FILIP1: variants seen among roughly 807,000 people sequenced by gnomAD.
FILIP1 encodes filamin-A-interacting protein 1.
A neutral mutation model predicts 102.1 loss-of-function variants in FILIP1; 61 were observed. The ratio of observed to expected loss-of-function variants is 0.60; its 90% CI spans 0.49 to 0.74. The LOEUF (loss-of-function observed/expected upper bound fraction) is 0.74, where lower values mean the gene tolerates loss of function less well. FILIP1 is among the 30% of genes least tolerant of loss of function. The probability of loss-of-function intolerance (pLI) is 0.00; values close to 1 mark genes in which losing one functional copy is unlikely to be tolerated. For synonymous variants in FILIP1, 491 were observed against 526.9 expected, an observed-to-expected ratio of 0.93 and a Z score of 0.93; for missense variants, 1,314 against 1,441.2, an observed-to-expected ratio of 0.91 and a Z score of 1.43.
intron 1 of FILIP1, among the ~76,000 whole-genome samples, chr6:75,459,975 T>C (rs1480528163): frequency 6.6e-6 from 1 of 152,212 alleles, no homozygotes; most frequent in African/African-American, 2.4e-5. Flanking sequence ...TAACTCCTGC[T>C]CTAATTTTCA....
chr6:75,447,153 C>A (rs1046840154), intron 1 of FILIP1, among the ~76,000 whole-genome samples: 2 of 151,996 alleles, frequency 1.3e-5, no homozygotes, highest in African/African-American at 4.8e-5. Flanking sequence ...TATTAAAAAC[C>A]TTTATATATT....
intron 4 of FILIP1, among the ~76,000 whole-genome samples, chr6:75,335,574 T>C (rs764371195): frequency 5.3e-5 from 8 of 152,018 alleles, no homozygotes; most frequent in Non-Finnish European, 1.0e-4. Context: ...ATAAATCTAG[T>C]CAAAAAGCCA....
At chr6:75,477,838 G>C (rs533343506) in intron 1 of FILIP1, among the ~76,000 whole-genome samples, 39 of 152,254 alleles carry the variant, frequency 2.6e-4, no homozygotes, top group African/African-American at 9.4e-4. Context: ...AGGAAACAAG[G>C]ATATGAGAAT....
chr6:75,356,127 CA>C (rs1047527022), intron 3 of FILIP1, among the ~76,000 whole-genome samples: 2 of 152,222 alleles, frequency 1.3e-5, no homozygotes, highest in African/African-American at 4.8e-5. Context: ...AATCAGTTCT[CA>C]ATCTCACAAC....
chr6:75,479,679 G>A (rs1026039346), intron 1 of FILIP1, among the ~76,000 whole-genome samples: 2 of 151,664 alleles, frequency 1.3e-5, no homozygotes, highest in African/African-American at 2.4e-5. Context: ...GACCAGTCAG[G>A]TCAACATGGT....
rs927574176 is a variant in FILIP1, at chr6:75,413,523, C to A, written c.276+1174G>T. Among the ~76,000 whole-genome samples the A allele has an allele frequency of 6.6e-5, 10 of 152,040 alleles. No individual in the cohort carries two copies. The South Asian group carries it at 1.9e-3, about 28-fold the overall frequency. ...TTTGTATGTTGTTTGTTTTTCTTTA[C>A]CCCAGGGATTTCCTTATCTGTATGC... On this transcript the variant is annotated intron_variant, in intron 2 of 5. Coordinates refer to ENST00000237172, the MANE Select transcript of FILIP1 (RefSeq NM_015687.5).
At chr6:75,336,246 C>A (rs549424475) in intron 4 of FILIP1, among the ~76,000 whole-genome samples, 2 of 152,210 alleles carry the variant, frequency 1.3e-5, no homozygotes, top group South Asian at 4.1e-4. Flanking sequence ...GGCTTGGCAC[C>A]TACTTGGAAG....
At chr6:75,464,925 G>C (rs1171733438) in intron 1 of FILIP1, among the ~76,000 whole-genome samples, 2 of 152,032 alleles carry the variant, frequency 1.3e-5, no homozygotes, top group Non-Finnish European at 2.9e-5. Context: ...GTTCAACATA[G>C]AAAATATATC....
rs76903687 is a variant in FILIP1 at position 75,396,844 on chromosome 6, A to G, written c.276+17853T>C. ...TCAGGATTTGTAAGATTCTTTTCAA[A>G]GAAGGTCTTTGCTCAGGTATTTTGT... On this transcript the variant is annotated intron_variant, in intron 2 of 5. Transcript: ENST00000237172. Among the ~76,000 whole-genome samples the G allele has an allele frequency of 7.3e-3, 1,113 of 152,182 alleles. 35 individuals are homozygous for G. In the East Asian group the frequency reaches 0.11, roughly 14 times the overall value.
chr6:75,309,701 C>T (rs1403036756), intron 5 of FILIP1, among the ~76,000 whole-genome samples: 1 of 152,184 alleles, frequency 6.6e-6, no homozygotes, highest in South Asian at 2.1e-4. Context: ...TATCCTCTCT[C>T]CTAGACAGCT....
At chr6:75,465,571 TA>T (rs36072505) in intron 1 of FILIP1, 239,156 of 410,644 alleles carry the variant, frequency 0.58, 63,470 homozygotes, top group African/African-American at 0.67. Context: ...TCACAGCAAT[TA>T]AAAAAAAAAA....
downstream of FILIP1, among the ~76,000 whole-genome samples, chr6:75,304,157 G>A (rs1382926617): frequency 6.6e-6 from 1 of 152,108 alleles, no homozygotes; most frequent in African/African-American, 2.4e-5. Context: ...AAGAGGAAGA[G>A]AGCATAATCA....
intron 1 of FILIP1, among the ~76,000 whole-genome samples, chr6:75,469,879 C>T (rs2703662): frequency 0.69 from 105,342 of 151,940 alleles, 37,322 homozygotes; most frequent in African/African-American, 0.84. Context: ...GTGATACACT[C>T]GTGTGTGCAT....
intron 3 of FILIP1, among the ~76,000 whole-genome samples, chr6:75,355,369 CTT>C (rs1774955180): frequency 6.6e-6 from 1 of 151,180 alleles, no homozygotes; most frequent in African/African-American, 2.4e-5. Context: ...CTTTGTGCCT[CTT>C]TCTCTGATCA....
intron 2 of FILIP1, among the ~76,000 whole-genome samples, chr6:75,388,723 T>G (rs563359875): frequency 6.6e-6 from 1 of 152,232 alleles, no homozygotes; most frequent in Non-Finnish European, 1.5e-5. Flanking sequence ...TGCATATTGA[T>G]TTTGTATCTT....
chr6:75,482,602 A>C (rs545610800), intron 1 of FILIP1, among the ~76,000 whole-genome samples: 1 of 152,362 alleles, frequency 6.6e-6, no homozygotes, highest in African/African-American at 2.4e-5. Flanking sequence ...AGAGCTACTA[A>C]GTCCAGCTCC....
rs531218935 is a variant in FILIP1, at chr6:75,418,340, T to C, written c.-6-3362A>G. On this transcript the variant is annotated intron_variant, in intron 1 of 5. Coordinates refer to ENST00000237172, the MANE Select transcript of FILIP1 (RefSeq NM_015687.5). ...TAAATTAGGTTACTCAGCAATAATATGTTTTCTGAAATAATTAACCTTCTG... is the reference window on the plus strand; with the variant it reads ...TAAATTAGGTTACTCAGCAATAATACGTTTTCTGAAATAATTAACCTTCTG... Among the ~76,000 whole-genome samples, 4 of 152,326 alleles carry C rather than the reference T, an allele frequency of 2.6e-5. No individual in the cohort carries two copies. The East Asian group carries it at 5.8e-4, about 22-fold the overall frequency.
intron 1 of FILIP1, among the ~76,000 whole-genome samples, chr6:75,449,322 G>T (rs1160324294): frequency 6.6e-6 from 1 of 152,006 alleles, no homozygotes; most frequent in Admixed American, 6.6e-5. Flanking sequence ...TTGGGGACTT[G>T]GGGGGAAAGG....
intron 2 of FILIP1, among the ~76,000 whole-genome samples, chr6:75,382,707 A>C (rs1018094727): frequency 3.3e-5 from 5 of 152,244 alleles, no homozygotes; most frequent in African/African-American, 1.2e-4. Flanking sequence ...AATGGGCAGC[A>C]AACTCTAAAG....
Sources: allele counts gnomAD v4.1 joint callset (sites outside exome capture counted in the v4.1 genomes callset), GRCh38; gene constraint gnomAD v4.1.1; transcripts MANE v1.5; gene names NCBI Gene and HGNC (gene_info 2026-07-23, HGNC 2026-07-21).